Variants in DTD1 observed in about 807,000 individuals in gnomAD.
DTD1 encodes D-aminoacyl-tRNA deacylase 1.
A neutral mutation model predicts 25.6 loss-of-function variants in DTD1; 13 were observed. The observed-to-expected ratio is 0.51, with a 90% CI of 0.33 to 0.81. DTD1 has a LOEUF of 0.81. DTD1 is among the 30% of genes least tolerant of loss of function. DTD1 has a pLI of 0.02. For missense variants in DTD1, 193 were observed against 266.4 expected (o/e 0.72, Z 1.92); for synonymous variants, 110 against 103.6 (o/e 1.06, Z -0.37).
intron 4 of DTD1, among the ~76,000 whole-genome samples, chr20:18,688,801 C>T (rs1029676663): frequency 7.2e-5 from 11 of 151,970 alleles, no homozygotes; most frequent in Admixed American, 2.0e-4. Flanking sequence ...TTGGGTAACC[C>T]GTGTACCTGG....
At chr20:18,760,148 C>G (rs1157333659) in intron 5 of DTD1, among the ~76,000 whole-genome samples, 1 of 152,088 alleles carries the variant, frequency 6.6e-6, no homozygotes, top group Non-Finnish European at 1.5e-5. Flanking sequence ...AATCTTTTTT[C>G]AAGGTTTTTA....
intron 4 of DTD1, among the ~76,000 whole-genome samples, chr20:18,659,221 A>G (rs1046443298): frequency 6.6e-6 from 1 of 152,204 alleles, no homozygotes; most frequent in Non-Finnish European, 1.5e-5. Context: ...ACGTAGTCTG[A>G]TGGATGCAAG....
chr20:18,639,896 C>T (rs2060821941), intron 4 of DTD1, among the ~76,000 whole-genome samples: 1 of 152,158 alleles, frequency 6.6e-6, no homozygotes, highest in East Asian at 1.9e-4. Flanking sequence ...TGGCTCTGTT[C>T]AGGAATTGCA....
chr20:18,724,032 C>T (rs147812450), intron 4 of DTD1, among the ~76,000 whole-genome samples: 42 of 152,316 alleles, frequency 2.8e-4, no homozygotes, highest in African/African-American at 9.1e-4. Flanking sequence ...CAGCAATGAT[C>T]AAAGGCGGAA....
At chr20:18,687,464 C>T (rs770595875) in intron 4 of DTD1, among the ~76,000 whole-genome samples, 2 of 152,134 alleles carry the variant, frequency 1.3e-5, no homozygotes, top group African/African-American at 2.4e-5. Context: ...ACAGTGGTAG[C>T]CCAGGTTAGA....
chr20:18,715,771 C>G (rs530327086), intron 4 of DTD1, among the ~76,000 whole-genome samples: 2 of 152,286 alleles, frequency 1.3e-5, no homozygotes, highest in African/African-American at 2.4e-5. Flanking sequence ...CCCATAAACT[C>G]TAAAGGCTCA....
intron 4 of DTD1, chr20:18,632,018 A>T: frequency 1.2e-6 from 1 of 845,790 alleles, no homozygotes; most frequent in Non-Finnish European, 1.4e-6. Flanking sequence ...CTGGGAGTAG[A>T]TTTAGGAATT....
chr20:18,727,150 C>A (rs911152706), intron 4 of DTD1, among the ~76,000 whole-genome samples: 4 of 152,168 alleles, frequency 2.6e-5, no homozygotes. Flanking sequence ...CTGGGCAGGG[C>A]CCATGGGTGG....
chr20:18,697,235 AAAC>A (rs778722669), intron 4 of DTD1, among the ~76,000 whole-genome samples: 8 of 151,706 alleles, frequency 5.3e-5, no homozygotes, highest in Non-Finnish European at 1.0e-4. Flanking sequence ...CTGTCTCAAA[AAAC>A]AAAAAAAATT....
intron 3 of DTD1, among the ~76,000 whole-genome samples, chr20:18,626,554 A>G (rs1334635358): frequency 6.6e-6 from 1 of 152,174 alleles, no homozygotes; most frequent in East Asian, 1.9e-4. Flanking sequence ...AGGAGCCCAG[A>G]TGTCATTTTA....
At chr20:18,736,370 A>G (rs950609449) in intron 4 of DTD1, among the ~76,000 whole-genome samples, 8 of 152,128 alleles carry the variant, frequency 5.3e-5, no homozygotes, top group East Asian at 1.9e-4. Context: ...CAGCTCTCCA[A>G]TTTGTTCACA....
intron 5 of DTD1, among the ~76,000 whole-genome samples, chr20:18,744,874 C>A (rs1176439158): frequency 6.6e-6 from 1 of 152,084 alleles, no homozygotes; most frequent in Non-Finnish European, 1.5e-5. Flanking sequence ...CACAGCCAAA[C>A]CATATCAGTT....
intron 4 of DTD1, among the ~76,000 whole-genome samples, chr20:18,725,233 C>G (rs572183134): frequency 6.6e-6 from 1 of 152,152 alleles, no homozygotes; most frequent in Non-Finnish European, 1.5e-5. Context: ...GTCACCAGGT[C>G]ATTAGCATGG....
At chr20:18,658,943 CACTT>C (rs1174907473) in intron 4 of DTD1, among the ~76,000 whole-genome samples, 1 of 152,116 alleles carries the variant, frequency 6.6e-6, no homozygotes, top group African/African-American at 2.4e-5. Flanking sequence ...TTGGACAGGT[CACTT>C]ACCTCTCTGT....
rs376355810 is a variant in DTD1, at chr20:18,750,702, T to A, written c.*19+6431T>A. On this transcript the variant is annotated intron_variant, in intron 5 of 5. Coordinates refer to ENST00000377452, the MANE Select transcript of DTD1 (RefSeq NM_080820.6). ...TGTCCTCTGTCTCAATCCTTCGGGC[T>A]CTCTCACCTTGCTGGGAGGAGTTGA... Among the ~76,000 whole-genome samples, 37 of 152,318 alleles carry A rather than the reference T, an allele frequency of 2.4e-4. 1 individual carries two copies. The South Asian group carries it at 7.5e-3, about 31-fold the overall frequency.
intron 4 of DTD1, chr20:18,631,900 A>G (rs1196524926): frequency 3.0e-6 from 3 of 984,732 alleles, no homozygotes; most frequent in Non-Finnish European, 3.6e-6. Flanking sequence ...TCTTTCAACC[A>G]GTACCCTCTT....
chr20:18,761,844 A>G (rs190155125), intron 5 of DTD1, among the ~76,000 whole-genome samples: 1 of 152,364 alleles, frequency 6.6e-6, no homozygotes, highest in African/African-American at 2.4e-5. Flanking sequence ...CATCCACACA[A>G]TGTAAGAACA....
chr20:18,615,167 CCT>C (rs552048011), intron 3 of DTD1, among the ~76,000 whole-genome samples: 114 of 152,130 alleles, frequency 7.5e-4, no homozygotes, highest in African/African-American at 2.6e-3. Flanking sequence ...AGTCTCACAG[CCT>C]ACCCCGATTC....
intron 4 of DTD1, among the ~76,000 whole-genome samples, chr20:18,709,175 C>T (rs1010487531): frequency 1.2e-4 from 18 of 152,146 alleles, no homozygotes; most frequent in African/African-American, 4.1e-4. Context: ...GACTTGTACA[C>T]AATAAATGTG....
Sources: allele counts gnomAD v4.1 joint callset (sites outside exome capture counted in the v4.1 genomes callset), GRCh38; gene constraint gnomAD v4.1.1; transcripts MANE v1.5; gene names NCBI Gene and HGNC (gene_info 2026-07-23, HGNC 2026-07-21).